NUFIP1: variants seen among roughly 807,000 people sequenced by gnomAD.
NUFIP1 encodes nuclear FMR1 interacting protein 1, also known as FMR1-interacting protein NUFIP1.
NUFIP1 carries 38 observed loss-of-function variants against 56.2 expected under a neutral mutation model. The ratio of observed to expected loss-of-function variants is 0.68; its 90% CI spans 0.52 to 0.89. NUFIP1 has a LOEUF of 0.89. Ranked by LOEUF, NUFIP1 falls within the 40% of genes least tolerant of loss-of-function variation. NUFIP1 has a pLI of 0.00. For missense variants in NUFIP1, 567 were observed against 605.8 expected, an observed-to-expected ratio of 0.94 and a Z score of 0.67; for synonymous variants, 215 against 212.4, an observed-to-expected ratio of 1.01 and a Z score of -0.10.
chr13:44,973,690 A>G (rs951685037), intron 5 of NUFIP1, among the ~76,000 whole-genome samples: 23 of 152,244 alleles, frequency 1.5e-4, no homozygotes, highest in Admixed American at 1.2e-3. Context: ...GAAAGGAGAT[A>G]CCATATTCAA....
In NUFIP1 at chr13:44,989,105, T is replaced by C. The variant is rs748683922; in HGVS notation, c.332A>G (p.Asn111Ser). The C allele has an allele frequency of 6.2e-7, 1 of 1,614,086 alleles. No homozygotes were observed. Among genetic ancestry groups the C allele is most frequent in the East Asian group, 2.2e-5 (1 of 44,866 alleles). ...ATACCACGATGTGGAAGCATGGAAA[T>C]TCCAAGGCTGGCCGCTGGGTTGAGG... is the stretch of plus-strand genomic sequence containing the variant. ...SQPQPSGQPW[N>S]FHASTSWYWR... The change falls in exon 1 of 10, where the codon AAT becomes AGT. Residue 111 changes from asparagine to serine, a missense_variant. By Grantham distance (46) the Asn-to-Ser change is conservative. Transcript: ENST00000379161.
intron 1 of NUFIP1, among the ~76,000 whole-genome samples, chr13:44,986,271 C>T (rs1412883877): frequency 6.6e-6 from 1 of 152,028 alleles, no homozygotes; most frequent in African/African-American, 2.4e-5. Flanking sequence ...GGAAGGAGGT[C>T]AAAAGATCAA....
intron 7 of NUFIP1, among the ~76,000 whole-genome samples, chr13:44,957,700 T>C (rs1481304139): frequency 6.6e-6 from 1 of 152,190 alleles, no homozygotes; most frequent in East Asian, 1.9e-4. Flanking sequence ...AAATACTTTT[T>C]TTTTTTAAAT....
chr13:44,939,984 T>C lies in NUFIP1; in HGVS notation c.*1222A>G, dbSNP rs187534084. The C allele has an allele frequency of 2.8e-4, 42 of 152,304 alleles. No homozygotes were observed. In the East Asian group the frequency reaches 7.7e-3, roughly 28 times the overall value. The allele number at this position is 152,304 out of a possible 1,614,324, so 9.4% of individuals were successfully genotyped here. On this transcript the variant is annotated 3_prime_UTR_variant, in exon 10 of 10. Transcript: ENST00000379161. ...CACTAGTTACTTCATCCTGAGTTGG[T>C]TGGGAATCACATCTTTGAATATATC...
intron 1 of NUFIP1, among the ~76,000 whole-genome samples, chr13:44,982,679 A>T (rs1302955538): frequency 6.6e-6 from 1 of 152,108 alleles, no homozygotes; most frequent in Non-Finnish European, 1.5e-5. Context: ...AAAAAAAAAA[A>T]AAATTCTCCA....
chr13:44,967,532 A>G (rs951033213), intron 5 of NUFIP1, among the ~76,000 whole-genome samples: 1 of 151,952 alleles, frequency 6.6e-6, no homozygotes, highest in Admixed American at 6.6e-5. Context: ...AGTGAAAGAG[A>G]TATCTGGACA....
At chr13:44,959,702 G>T in intron 6 of NUFIP1, 128 bp from the exon 7 acceptor site, 2 of 722,526 alleles carry the variant, frequency 2.8e-6, no homozygotes, top group South Asian at 4.1e-5. Context: ...GTACATTAAA[G>T]AGACGAAAAT....
At position 44,951,335 on chromosome 13, in the gene NUFIP1, T is replaced by C. The variant is rs1455201076; in HGVS notation, c.1022-1497A>G. ...TTGAATATTATGCTCTTCAAAAGCATGATCTGACCTAATCCTTATGAGGTA... is the reference window on the plus strand; with the variant it reads ...TTGAATATTATGCTCTTCAAAAGCACGATCTGACCTAATCCTTATGAGGTA... On this transcript the variant is annotated intron_variant, in intron 7 of 9. Coordinates refer to ENST00000379161, the MANE Select transcript of NUFIP1 (RefSeq NM_012345.3). Among the ~76,000 whole-genome samples the C allele has an allele frequency of 3.3e-5, 5 of 152,316 alleles. No homozygotes were observed. In the South Asian group the frequency reaches 8.3e-4, roughly 25 times the overall value.
chr13:44,981,921 T>TCATGTTTAACATAAAACATAAAA (rs71070950), intron 2 of NUFIP1, 151 bp downstream of exon 2: 251,939 of 378,840 alleles, frequency 0.67, 91,649 homozygotes, highest in Non-Finnish European at 0.77. Context: ...TTTGCTATAT[T>TCATGTTTAACATAAAACATAAAA]CATGTTTAAC....
At chr13:44,977,184 G>A (rs1195680401) in intron 5 of NUFIP1, among the ~76,000 whole-genome samples, 1 of 152,246 alleles carries the variant, frequency 6.6e-6, no homozygotes, top group African/African-American at 2.4e-5. Flanking sequence ...CAACAAATAT[G>A]TATTTCTCAC....
chr13:44,953,753 G>C (rs1460577529), intron 7 of NUFIP1, among the ~76,000 whole-genome samples: 1 of 152,080 alleles, frequency 6.6e-6, no homozygotes, highest in East Asian at 1.9e-4. Context: ...ACAGGCTCTG[G>C]TTCCTTTACC....
intron 9 of NUFIP1, among the ~76,000 whole-genome samples, chr13:44,943,070 G>C (rs921260168): frequency 1.3e-5 from 2 of 151,098 alleles, no homozygotes; most frequent in African/African-American, 4.9e-5. Flanking sequence ...TTTCCTTTTT[G>C]TTACTGTATG....
At chr13:44,952,569 TC>T (rs1871117918) in intron 7 of NUFIP1, among the ~76,000 whole-genome samples, 1 of 152,214 alleles carries the variant, frequency 6.6e-6, no homozygotes. Context: ...CCTCCTCCCT[TC>T]TTTTTTAAAC....
chr13:44,989,086 C>T lies in NUFIP1; in HGVS notation c.351G>A (p.Ser117=), dbSNP rs1872550387. The T allele has an allele frequency of 6.2e-7, 1 of 1,614,162 alleles. No homozygotes were observed. Among genetic ancestry groups the T allele is most frequent in the Non-Finnish European group, 8.5e-7 (1 of 1,180,026 alleles). The stretch of plus-strand genomic sequence containing the variant: ...TATCAGAAGACTGTCTCCAATACCA[C>T]GATGTGGAAGCATGGAAATTCCAAG... ...GQPWNFHAST[S]WYWRQSSDRF... Residue 117 remains serine, a synonymous_variant, in exon 1 of 10, where the codon TCG becomes TCA. Coordinates refer to ENST00000379161, the MANE Select transcript of NUFIP1 (RefSeq NM_012345.3).
At chr13:44,975,657 T>C (rs996757777) in intron 5 of NUFIP1, among the ~76,000 whole-genome samples, 3 of 152,180 alleles carry the variant, frequency 2.0e-5, no homozygotes, top group Admixed American at 6.5e-5. Flanking sequence ...CTCCTTATCT[T>C]TTCCTAGTTA....
intron 5 of NUFIP1, among the ~76,000 whole-genome samples, chr13:44,972,481 G>A (rs918406262): frequency 6.6e-6 from 1 of 152,192 alleles, no homozygotes; most frequent in African/African-American, 2.4e-5. Flanking sequence ...TAAATCAGTG[G>A]TTGCCAGTGG....
rs1226242026 is a variant in NUFIP1 at position 44,939,352 on chromosome 13, AAAAGT to A, written c.*1849_*1853del. 2.0e-5 allele frequency: 3 copies of A among 152,224 alleles called. No individual in the cohort carries two copies. Among genetic ancestry groups the A allele is most frequent in the Non-Finnish European group, 2.9e-5 (2 of 68,032 alleles). The allele number at this position is 152,224 out of a possible 1,614,324, so 9.4% of individuals were successfully genotyped here. On this transcript the variant is annotated 3_prime_UTR_variant, in exon 10 of 10. Transcript: ENST00000379161. Reference sequence around the variant, plus strand: ...GAAGTCAATTATAGAGGATATGAGAAAAAGTAAAGTATTTCAGTTATAAAAGGCAC... The same window carrying A: ...GAAGTCAATTATAGAGGATATGAGAAAAAGTATTTCAGTTATAAAAGGCAC...
At chr13:44,950,868 T>C (rs1871067186) in intron 7 of NUFIP1, among the ~76,000 whole-genome samples, 1 of 152,142 alleles carries the variant, frequency 6.6e-6, no homozygotes, top group Admixed American at 6.5e-5. Context: ...AAATAAGGCC[T>C]CACTGAAGAC....
chr13:44,949,270 C>T (rs537218455), intron 8 of NUFIP1, among the ~76,000 whole-genome samples: 2 of 128,096 alleles, frequency 1.6e-5, no homozygotes, highest in South Asian at 2.5e-4. Context: ...GGCGGGATCT[C>T]GGCTCACTGC....
Sources: gnomAD v4.1 joint callset for allele counts (sites outside exome capture counted in the v4.1 genomes callset) on GRCh38, gnomAD v4.1.1 for gene constraint, MANE v1.5 for transcripts, NCBI Gene and HGNC (gene_info 2026-07-23, HGNC 2026-07-21) for gene names.